AGMO: variants seen among roughly 807,000 people sequenced by gnomAD.
The protein encoded by AGMO is alkylglycerol monooxygenase.
A neutral mutation model predicts 60.2 loss-of-function variants in AGMO; 75 were observed. That is an observed-to-expected ratio of 1.25 (90% confidence interval 1.03 to 1.51). AGMO has a LOEUF of 1.51. Among genes scored for constraint, AGMO ranks in the 40% most tolerant of loss-of-function variants. The pLI, the probability that AGMO is intolerant of heterozygous loss-of-function variation, is 0.00. For missense variants in AGMO, 763 were observed against 525.5 expected, an observed-to-expected ratio of 1.45 and a Z score of -4.42; for synonymous variants, 261 against 177.1, an observed-to-expected ratio of 1.47 and a Z score of -3.76.
At chr7:15,449,457 C>G (rs80277768) in intron 3 of AGMO, among the ~76,000 whole-genome samples, 1,924 of 152,210 alleles carry the variant, frequency 0.013, 37 homozygotes, top group African/African-American at 0.045. Context: ...GATTATAACA[C>G]CACATTTTGA....
intron 12 of AGMO, among the ~76,000 whole-genome samples, chr7:15,356,151 A>G (rs540810840): frequency 3.9e-5 from 6 of 152,326 alleles, no homozygotes; most frequent in African/African-American, 1.2e-4. Flanking sequence ...GGCATCAGCT[A>G]AAGAATTTAA....
At chr7:15,365,446 C>G in intron 12 of AGMO, 68 bp downstream of exon 12, 2 of 909,296 alleles carry the variant, frequency 2.2e-6, no homozygotes, top group South Asian at 1.6e-5. Context: ...AGAAAACATC[C>G]TTGAATGAAT....
At chr7:15,212,331 A>C (rs1781617901) in intron 12 of AGMO, among the ~76,000 whole-genome samples, 1 of 151,852 alleles carries the variant, frequency 6.6e-6, no homozygotes, top group Non-Finnish European at 1.5e-5. Context: ...TTGTATAAAA[A>C]GAATTACATC....
chr7:15,370,856 GAT>G (rs1222780536), intron 10 of AGMO, among the ~76,000 whole-genome samples: 1 of 152,142 alleles, frequency 6.6e-6, no homozygotes, highest in African/African-American at 2.4e-5. Context: ...TTACTCTGTT[GAT>G]AGTTTCTTTT....
chr7:15,208,558 T>C (rs1322213314), intron 12 of AGMO, among the ~76,000 whole-genome samples: 1 of 152,182 alleles, frequency 6.6e-6, no homozygotes, highest in Non-Finnish European at 1.5e-5. Context: ...TTGGTGAACA[T>C]TATACCTAGC....
At chr7:15,232,962 C>T (rs964030120) in intron 12 of AGMO, among the ~76,000 whole-genome samples, 2 of 152,094 alleles carry the variant, frequency 1.3e-5, no homozygotes, top group African/African-American at 4.8e-5. Context: ...GAAAACTGAA[C>T]AAAGCATTTT....
chr7:15,519,397 C>T (rs1468841938), intron 3 of AGMO, among the ~76,000 whole-genome samples: 1 of 152,016 alleles, frequency 6.6e-6, no homozygotes, highest in Non-Finnish European at 1.5e-5. Context: ...ATGTTAAGGA[C>T]AGCCAGAGAA....
At chr7:15,311,924 T>C (rs988717149) in intron 12 of AGMO, among the ~76,000 whole-genome samples, 1 of 152,104 alleles carries the variant, frequency 6.6e-6, no homozygotes, top group Non-Finnish European at 1.5e-5. Flanking sequence ...AAAATTACAA[T>C]AACCAAAAAC....
intron 8 of AGMO, among the ~76,000 whole-genome samples, chr7:15,388,079 T>C (rs1783997238): frequency 6.6e-6 from 1 of 152,126 alleles, no homozygotes; most frequent in African/African-American, 2.4e-5. Context: ...GGCTAATTTT[T>C]GTAGTTTTAG....
chr7:15,548,273 A>G (rs1240834258), intron 2 of AGMO, among the ~76,000 whole-genome samples: 2 of 152,156 alleles, frequency 1.3e-5, no homozygotes, highest in East Asian at 3.9e-4. Flanking sequence ...CCTCCTCCAA[A>G]GGAACGCAGT....
rs192903784 is a variant in AGMO at position 15,524,545 on chromosome 7, A to G, written c.409+20227T>C. ...TCCTTACTTTATTGAATCAGTTTGG[A>G]TATGCAACCATATTTTTCTAGAAAC... On this transcript the variant is annotated intron_variant, in intron 3 of 12. Coordinates refer to ENST00000342526, the MANE Select transcript of AGMO (RefSeq NM_001004320.2). Among the ~76,000 whole-genome samples the G allele has an allele frequency of 6.5e-3, 984 of 152,164 alleles. 11 individuals are homozygous for G. Among genetic ancestry groups the G allele is most frequent in the African/African-American group, 0.022 (916 of 41,510 alleles).
At chr7:15,328,068 G>A (rs1781399234) in intron 12 of AGMO, among the ~76,000 whole-genome samples, 1 of 151,822 alleles carries the variant, frequency 6.6e-6, no homozygotes, top group Non-Finnish European at 1.5e-5. Context: ...GAGACACTGT[G>A]CCTGGTCAAT....
chr7:15,225,527 T>C (rs1217261186), intron 12 of AGMO, among the ~76,000 whole-genome samples: 2 of 151,976 alleles, frequency 1.3e-5, no homozygotes, highest in African/African-American at 4.8e-5. Context: ...AGTATAAATG[T>C]ATAAAAGTGT....
chr7:15,315,420 C>T (rs748957273), intron 12 of AGMO, among the ~76,000 whole-genome samples: 2 of 143,388 alleles, frequency 1.4e-5, no homozygotes, highest in African/African-American at 2.6e-5. Flanking sequence ...TAACTGCAAC[C>T]TCCGATTCCC....
At chr7:15,171,510 G>C in the AGMO span, among the ~76,000 whole-genome samples, 10 of 152,168 alleles carry the variant, frequency 6.6e-5, no homozygotes, top group Admixed American at 1.3e-4. Context: ...GAGGAGTTAA[G>C]CTTTATCTCC....
intron 12 of AGMO, among the ~76,000 whole-genome samples, chr7:15,343,594 T>C (rs932445588): frequency 6.6e-6 from 1 of 152,118 alleles, no homozygotes; most frequent in African/African-American, 2.4e-5. Flanking sequence ...ATTACAAGAG[T>C]AACATCAAAA....
chr7:15,369,908 C>G (rs968114154), intron 10 of AGMO, among the ~76,000 whole-genome samples: 4 of 152,050 alleles, frequency 2.6e-5, no homozygotes, highest in Admixed American at 2.6e-4. Context: ...TCATTTTTTA[C>G]AAATTCAAAT....
chr7:15,137,192 C>A, the AGMO span, among the ~76,000 whole-genome samples: 1 of 152,174 alleles, frequency 6.6e-6, no homozygotes, highest in Non-Finnish European at 1.5e-5. Flanking sequence ...ATATTTCTTA[C>A]ACATTTGTCG....
At chr7:15,439,115 A>G (rs967857964) in intron 3 of AGMO, among the ~76,000 whole-genome samples, 1 of 152,188 alleles carries the variant, frequency 6.6e-6, no homozygotes, top group South Asian at 2.1e-4. Flanking sequence ...AATCGAGAAC[A>G]TGACCGGGCA....
Sources: allele counts gnomAD v4.1 joint callset (sites outside exome capture counted in the v4.1 genomes callset), GRCh38; gene constraint gnomAD v4.1.1; transcripts MANE v1.5; gene names NCBI Gene and HGNC (gene_info 2026-07-23, HGNC 2026-07-21).